PCDHGA2: variants seen among roughly 807,000 people sequenced by gnomAD.
The protein encoded by PCDHGA2 is protocadherin gamma subfamily A, 2.
In PCDHGA2, 40 loss-of-function variants were observed where a neutral mutation model predicts 59.2. The ratio of observed to expected loss-of-function variants is 0.68; its 90% CI spans 0.52 to 0.88. The LOEUF (loss-of-function observed/expected upper bound fraction) is 0.88. Among genes scored for constraint, PCDHGA2 ranks in the 40% least tolerant of loss-of-function variants. The pLI is 0.00. For missense variants in PCDHGA2, 1,226 were observed against 1,204.0 expected (o/e 1.02, Z -0.27); for synonymous variants, 560 against 526.0 (o/e 1.06, Z -0.89).
rs767719494 is a variant in PCDHGA2 at position 141,491,200 on chromosome 5, C to T, written c.2425-3607C>T. On this transcript the variant is annotated intron_variant, in intron 1 of 3. Coordinates refer to ENST00000394576, the MANE Select transcript of PCDHGA2 (RefSeq NM_018915.4). This position sits in a 1 kb window ranked among gnomAD's most constrained non-coding sequence, Gnocchi z 6.9. The stretch of plus-strand genomic sequence containing the variant: ...GGTCCTGGTGAGGGACAATGGTGAC[C>T]CTTCACTCTCCTCCACAGCCACAGT... 4 of 1,614,158 alleles carry T rather than the reference C, an allele frequency of 2.5e-6. No individual in the cohort carries two copies. The highest frequency in any genetic ancestry group is 3.4e-6 in the Non-Finnish European group (4 of 1,180,000).
chr5:141,344,229 A>T, intron 1 of PCDHGA2: 2 of 1,613,944 alleles, frequency 1.2e-6, no homozygotes, highest in East Asian at 4.5e-5. Flanking sequence ...CGGAGTCCGC[A>T]TCGTCTCCAG....
At chr5:141,457,881 G>T (rs2098931594) in intron 1 of PCDHGA2, among the ~76,000 whole-genome samples, 2 of 152,230 alleles carry the variant, frequency 1.3e-5, no homozygotes, top group African/African-American at 4.8e-5. Context: ...TAGGAACCCT[G>T]TGTGGGGACT....
At chr5:141,498,321 G>A (rs1477684617) in intron 2 of PCDHGA2, among the ~76,000 whole-genome samples, 2 of 151,722 alleles carry the variant, frequency 1.3e-5, no homozygotes, top group Non-Finnish European at 2.9e-5. Flanking sequence ...CTACACAGAA[G>A]GAAGAGCATT....
At chr5:141,422,639 C>A (rs777330051) in intron 1 of PCDHGA2, 1 of 1,612,780 alleles carries the variant, frequency 6.2e-7, no homozygotes, top group South Asian at 1.1e-5. Context: ...AGGGGTGCCT[C>A]CATCTTCTCA....
intron 1 of PCDHGA2, chr5:141,394,240 C>G (rs1392586422): frequency 6.2e-7 from 1 of 1,613,822 alleles, no homozygotes; most frequent in African/African-American, 1.3e-5. Flanking sequence ...TCCTTGACTG[C>G]ACACGACCCC....
intron 1 of PCDHGA2, chr5:141,388,978 CT>C (rs1389375857): frequency 6.2e-7 from 1 of 1,613,972 alleles, no homozygotes; most frequent in East Asian, 2.2e-5. Flanking sequence ...ACACATATTG[CT>C]TTGCTCAAAG....
chr5:141,509,046 C>T (rs1442220429), intron 3 of PCDHGA2, among the ~76,000 whole-genome samples: 1 of 152,160 alleles, frequency 6.6e-6, no homozygotes, highest in Non-Finnish European at 1.5e-5. Flanking sequence ...CTCTCCCCCG[C>T]CCCCAGAAAG....
At chr5:141,360,983 A>G in intron 1 of PCDHGA2, 2 of 1,613,804 alleles carry the variant, frequency 1.2e-6, no homozygotes, top group Non-Finnish European at 1.7e-6. Flanking sequence ...TCCTTTCATA[A>G]TGTGGACGAA....
chr5:141,339,136 G>A lies in PCDHGA2; in HGVS notation c.165G>A (p.Glu55=). ...ACATCGCCAAGGACTTGGGTTTGGA[G>A]CCCCTGGCACTGGCAGAGCAGGGAG... ...VGNIAKDLGL[E]PLALAEQGVR... Residue 55 remains glutamate (E), a synonymous_variant, in exon 1 of 4, where the codon GAG becomes GAA. Transcript: ENST00000394576. The A allele has an allele frequency of 6.2e-7, 1 of 1,614,236 alleles. No individual in the cohort carries two copies.
At chr5:141,410,441 A>C (rs1242063924) in intron 1 of PCDHGA2, 1 of 1,613,828 alleles carries the variant, frequency 6.2e-7, no homozygotes, top group South Asian at 1.1e-5. Flanking sequence ...CAGTGAGGGG[A>C]CTTTGCCTTA....
chr5:141,419,905 T>G (rs916259620), intron 1 of PCDHGA2: 23 of 1,613,978 alleles, frequency 1.4e-5, no homozygotes, highest in Non-Finnish European at 1.9e-5. Context: ...CCACACCCTC[T>G]GACTCCCAGG....
At position 141,340,241 on chromosome 5, in the gene PCDHGA2, GC is replaced by G. The variant is rs758614872; in HGVS notation, c.1271del (p.Ala424ValfsTer51). ...TTCCTTTTACAACATCACTCTAACCGCTAAAGATGGAGGGAACCCCTCCCTG... is the reference window on the plus strand; with the variant it reads ...TTCCTTTTACAACATCACTCTAACCGTAAAGATGGAGGGAACCCCTCCCTG... ...QFSFYNITLT[A>X]KDGGNPSLST... On this transcript the variant is annotated frameshift_variant, in exon 1 of 4. Transcript: ENST00000394576. LOFTEE classifies it high-confidence loss of function. 2.8e-5 allele frequency: 46 copies of G among 1,614,118 alleles called. No homozygotes were observed. Among genetic ancestry groups the G allele is most frequent in the Non-Finnish European group, 3.7e-5 (44 of 1,180,018 alleles).
chr5:141,488,915 G>A (rs942297924), intron 1 of PCDHGA2, among the ~76,000 whole-genome samples: 12 of 152,180 alleles, frequency 7.9e-5, no homozygotes, highest in Non-Finnish European at 2.9e-5. Flanking sequence ...TGTTCCCAAG[G>A]TTTCCAGGAT....
chr5:141,378,520 C>T (rs930266884), intron 1 of PCDHGA2: 4 of 151,996 alleles, frequency 2.6e-5, no homozygotes, highest in Non-Finnish European at 5.9e-5. Flanking sequence ...GAGACTCTGT[C>T]TCAAAAAATA....
intron 1 of PCDHGA2, chr5:141,478,446 G>A: frequency 6.2e-7 from 1 of 1,613,520 alleles, no homozygotes; most frequent in Non-Finnish European, 8.5e-7. Flanking sequence ...AAGAAACCTG[G>A]TGCAGCCAGT....
At chr5:141,364,973 T>G (rs752099711) in intron 1 of PCDHGA2, 1 of 1,613,760 alleles carries the variant, frequency 6.2e-7, no homozygotes, top group Non-Finnish European at 8.5e-7. Flanking sequence ...CCTCACAGCT[T>G]TAGATGGCGG....
At chr5:141,410,418 T>C (rs2095390746) in intron 1 of PCDHGA2, 26 of 1,614,052 alleles carry the variant, frequency 1.6e-5, no homozygotes, top group Non-Finnish European at 2.2e-5. Context: ...GGACCTGTAG[T>C]TCCCCCCAAC....
chr5:141,361,121 C>T, intron 1 of PCDHGA2: 1 of 1,613,950 alleles, frequency 6.2e-7, no homozygotes, highest in Non-Finnish European at 8.5e-7. Context: ...GATCTAGCAG[C>T]CCACTGCAGT....
chr5:141,380,372 C>A (rs73265858), intron 1 of PCDHGA2, among the ~76,000 whole-genome samples: 1 of 151,948 alleles, frequency 6.6e-6, no homozygotes. Context: ...AAAAAAAAGT[C>A]CCAAAAAAGA....
Sources: allele counts gnomAD v4.1 joint callset (sites outside exome capture counted in the v4.1 genomes callset), GRCh38; gene constraint gnomAD v4.1.1; non-coding constraint Gnocchi (gnomAD v3.1); transcripts MANE v1.5; gene names NCBI Gene and HGNC (gene_info 2026-07-23, HGNC 2026-07-21).